The following GCM1 variants were observed in gnomAD, a reference collection of about 807,000 sequenced individuals.
The protein encoded by GCM1 is GCM transcription factor 1, also known as chorion-specific transcription factor GCMa.
GCM1 carries 2 observed loss-of-function variants against 25.7 expected under a neutral mutation model. The observed-to-expected ratio is 0.08, with a 90% CI of 0.03 to 0.24. GCM1 has a LOEUF of 0.24. GCM1 is among the 10% of genes least tolerant of loss of function. The probability of loss-of-function intolerance (pLI) is 1.00; values close to 1 mark genes in which losing one functional copy is unlikely to be tolerated. For synonymous variants in GCM1, 183 were observed against 195.7 expected, an observed-to-expected ratio of 0.94 and a Z score of 0.54; for missense variants, 395 against 538.7, an observed-to-expected ratio of 0.73 and a Z score of 2.64.
At chr6:53,136,629 C>T (rs879537272) in intron 2 of GCM1, among the ~76,000 whole-genome samples, 8 of 152,142 alleles carry the variant, frequency 5.3e-5, no homozygotes, top group Admixed American at 2.0e-4. Flanking sequence ...AGAGAAGACC[C>T]AGTAGAGGTC....
At chr6:53,144,470 C>T (rs1763924781) in intron 2 of GCM1, among the ~76,000 whole-genome samples, 1 of 150,884 alleles carries the variant, frequency 6.6e-6, no homozygotes, top group Non-Finnish European at 1.5e-5. Flanking sequence ...GAAATGAAGT[C>T]ACTATTTCAG....
At chr6:53,129,541 TG>T (rs1349966195) in intron 5 of GCM1, among the ~76,000 whole-genome samples, 2 of 152,238 alleles carry the variant, frequency 1.3e-5, no homozygotes, top group Admixed American at 1.3e-4. Flanking sequence ...CCCAAAGTGC[TG>T]GGATTAGAGG....
chr6:53,143,877 A>G (rs1763915418), intron 2 of GCM1, among the ~76,000 whole-genome samples: 1 of 152,146 alleles, frequency 6.6e-6, no homozygotes, highest in Non-Finnish European at 1.5e-5. Flanking sequence ...AAAAGCATAA[A>G]GAGAAACAAA....
intron 1 of GCM1, among the ~76,000 whole-genome samples, chr6:53,147,069 A>AAATG (rs1188817205): frequency 6.6e-6 from 1 of 152,144 alleles, no homozygotes; most frequent in Non-Finnish European, 1.5e-5. Flanking sequence ...ATAAATAAAT[A>AAATG]AATGAATGAA....
rs553636806 is a variant in GCM1, at chr6:53,139,588, C to A, written c.76-5264G>T. ...TCAAGAGATCAAGACTCAGGACAGG[C>A]CAGGCGCGGTGGCTCAGGCCTGTAA... On this transcript the variant is annotated intron_variant, in intron 2 of 5. Coordinates refer to ENST00000259803, the MANE Select transcript of GCM1 (RefSeq NM_003643.4). Among the ~76,000 whole-genome samples the A allele has an allele frequency of 2.2e-3, 327 of 151,870 alleles. 3 individuals are homozygous for A. Among genetic ancestry groups the A allele is most frequent in the Non-Finnish European group, 3.7e-3 (252 of 67,974 alleles).
chr6:53,129,357 C>T (rs2127507840), intron 5 of GCM1, among the ~76,000 whole-genome samples: 1 of 151,494 alleles, frequency 6.6e-6, no homozygotes, highest in African/African-American at 2.4e-5. Context: ...TCACTGCAAC[C>T]TCTGCCTCCC....
chr6:53,142,922 C>T (rs963275807), intron 2 of GCM1, among the ~76,000 whole-genome samples: 1 of 109,476 alleles, frequency 9.1e-6, no homozygotes, highest in African/African-American at 3.1e-5. Context: ...AACTAGAATT[C>T]AAATCTGGGG....
At chr6:53,138,299 A>G (rs1270067086) in intron 2 of GCM1, among the ~76,000 whole-genome samples, 1 of 147,574 alleles carries the variant, frequency 6.8e-6, no homozygotes, top group East Asian at 2.0e-4. Flanking sequence ...AAAAAAAAAA[A>G]GCAGTAATAA....
rs1581847888 is a variant in GCM1, at chr6:53,128,642, C to T, written c.875G>A (p.Gly292Asp). ...ATTTTTACTCCACGCTTGTAGATCG[C>T]CATGATCAGAGTAGACTCCGGAGGC... ...PSASGVYSDHGDLQAWSKNAA... is the reference protein window; with the variant it reads ...PSASGVYSDHDDLQAWSKNAA... Residue 292 changes from glycine (G) to aspartate (D), a missense_variant, in exon 6 of 6, where the codon GGC becomes GAC. By Grantham distance (94) the Gly-to-Asp change is moderately conservative. Transcript: ENST00000259803. 2.5e-6 allele frequency: 4 copies of T among 1,613,914 alleles called. No individual in the cohort carries two copies. Among genetic ancestry groups the T allele is most frequent in the Non-Finnish European group, 3.4e-6 (4 of 1,179,818 alleles).
chr6:53,134,313 T>G lies in GCM1; in HGVS notation c.87A>C (p.Lys29Asn). The G allele has an allele frequency of 4.3e-6, 7 of 1,613,746 alleles. No individual in the cohort carries two copies. Among genetic ancestry groups the G allele is most frequent in the Non-Finnish European group, 5.9e-6 (7 of 1,179,698 alleles). ...CTGGCCACTCCTGGAACCAGTCGGT[T>G]TTTTTCACGTTCTGATAGAAACACA... ...NDVKLPQNVKKTDWFQEWPDS... is the reference protein window; with the variant it reads ...NDVKLPQNVKNTDWFQEWPDS... Residue 29 changes from lysine (K) to asparagine (N), a missense_variant, in exon 3 of 6, where the codon AAA becomes AAC. Transcript: ENST00000259803.
chr6:53,144,984 A>AAGAG (rs57710769), intron 2 of GCM1, among the ~76,000 whole-genome samples: 2 of 148,268 alleles, frequency 1.3e-5, no homozygotes, highest in African/African-American at 2.5e-5. Flanking sequence ...AATGAAAAGA[A>AAGAG]AGAGAGAGAG....
intron 2 of GCM1, among the ~76,000 whole-genome samples, chr6:53,140,402 G>A (rs1763857450): frequency 6.6e-6 from 1 of 151,912 alleles, no homozygotes; most frequent in African/African-American, 2.4e-5. Flanking sequence ...TCACAATTTG[G>A]GGCTTATCTT....
At chr6:53,134,903 C>G (rs960630382) in intron 2 of GCM1, among the ~76,000 whole-genome samples, 2 of 152,182 alleles carry the variant, frequency 1.3e-5, no homozygotes, top group Non-Finnish European at 2.9e-5. Context: ...CAGGTTTATG[C>G]AATGTCGCCA....
intron 1 of GCM1, among the ~76,000 whole-genome samples, chr6:53,147,423 TTG>T (rs534861379): frequency 0.14 from 16,644 of 120,544 alleles, 2,147 homozygotes; most frequent in African/African-American, 0.37. Flanking sequence ...TTAGTTTTTA[TTG>T]TTTTTTTTTT....
At chr6:53,147,612 A>G (rs964211408) in intron 1 of GCM1, among the ~76,000 whole-genome samples, 1 of 151,624 alleles carries the variant, frequency 6.6e-6, no homozygotes, top group African/African-American at 2.4e-5. Flanking sequence ...TATTTTCAGT[A>G]GAGATGGGGT....
chr6:53,145,569 T>G lies in GCM1; in HGVS notation c.64A>C (p.Lys22Gln), dbSNP rs1202933813. The change falls in exon 2 of 6, where the codon AAA becomes CAA. Residue 22 changes from lysine to glutamine, a missense_variant. Around this residue, in one of 5 missense-constraint regions of GCM1, gnomAD observed 44 missense variants for 60.8 expected, o/e 0.72. Transcript: ENST00000259803. The part of the protein sequence containing the change: ...EILSWDINDV[K>Q]LPQNVKKTDW... ...TAGCAAGTACATACCTGTGGCAGTT[T>G]CACATCATTAATATCCCAGCTTAAT... 1.4e-5 allele frequency: 22 copies of G among 1,558,150 alleles called. No homozygotes were observed. The highest frequency in any genetic ancestry group is 1.9e-5 in the Non-Finnish European group (22 of 1,129,146).
rs1259951702 is a variant in GCM1, at chr6:53,142,000, G to GGAAAAAAAAAAAAAAAAAAAAAAA, written c.75+3557_75+3558insTTTTTTTTTTTTTTTTTTTTTTTC. ...GCTTGGGTAATGAGAGTGAGACCCT[G>GGAAAAAAAAAAAAAAAAAAAAAAA]AAAAAAAAAAAAAAAAAAAAAAAAA... On this transcript the variant is annotated intron_variant, in intron 2 of 5. Coordinates refer to ENST00000259803, the MANE Select transcript of GCM1 (RefSeq NM_003643.4). Among the ~76,000 whole-genome samples the GGAAAAAAAAAAAAAAAAAAAAAAA allele has an allele frequency of 1.1e-3, 13 of 12,292 alleles. 3 individuals are homozygous for GGAAAAAAAAAAAAAAAAAAAAAAA. Among genetic ancestry groups the GGAAAAAAAAAAAAAAAAAAAAAAA allele is most frequent in the Admixed American group, 1.5e-3 (1 of 666 alleles). 8.1% of individuals were successfully genotyped at this position (12,292 alleles called of 152,430 possible). A position where few individuals can be genotyped will look rare whatever the true frequency, so the allele number is the denominator to read the frequency against.
rs1454419196 is a variant in GCM1 at position 53,134,282 on chromosome 6, A to G, written c.118T>C (p.Tyr40His). Reference sequence around the variant, plus strand: ...TCCGAGCTGTAGATGTGTTTGGCATAGGAATCTGGCCACTCCTGGAACCAG... The same window carrying G: ...TCCGAGCTGTAGATGTGTTTGGCATGGGAATCTGGCCACTCCTGGAACCAG... ...TDWFQEWPDS[Y>H]AKHIYSSEDK... Residue 40 changes from tyrosine to histidine, a missense_variant, in exon 3 of 6, where the codon TAT (tyrosine) becomes CAT (histidine). Physicochemically the swap from Tyr to His is moderately conservative, Grantham distance 83. Coordinates refer to ENST00000259803, the MANE Select transcript of GCM1 (RefSeq NM_003643.4). The G allele has an allele frequency of 6.2e-7, 1 of 1,613,926 alleles. No homozygotes were observed. Among genetic ancestry groups the G allele is most frequent in the South Asian group, 1.1e-5 (1 of 91,066 alleles).
intron 2 of GCM1, among the ~76,000 whole-genome samples, chr6:53,141,318 T>C (rs997161268): frequency 6.6e-6 from 1 of 152,172 alleles, no homozygotes. Context: ...CCATAAACCT[T>C]GATGTATCTG....
Sources: gnomAD v4.1 joint callset for allele counts (sites outside exome capture counted in the v4.1 genomes callset) on GRCh38, gnomAD v4.1.1 for gene constraint, gnomAD v4.1.1 regional missense constraint, MANE v1.5 for transcripts, NCBI Gene and HGNC (gene_info 2026-07-23, HGNC 2026-07-21) for gene names.